PTPRB: variants seen among roughly 807,000 people sequenced by gnomAD.
PTPRB encodes the protein receptor-type tyrosine-protein phosphatase beta.
Under a neutral mutation model 238.1 loss-of-function variants are expected in PTPRB, and 97 were observed. That is an observed-to-expected ratio of 0.41 (90% CI 0.35 to 0.48). PTPRB has a LOEUF of 0.48. PTPRB is among the 20% of genes least tolerant of loss of function. The pLI is 0.30. For synonymous variants in PTPRB, 970 were observed against 995.4 expected (o/e 0.97, Z 0.48); for missense variants, 2,292 against 2,681.9 (o/e 0.85, Z 3.21).
chr12:70,606,431 C>G (rs974857231), intron 4 of PTPRB, among the ~76,000 whole-genome samples: 4 of 152,020 alleles, frequency 2.6e-5, no homozygotes, highest in African/African-American at 9.7e-5. Flanking sequence ...CTATTTTAGA[C>G]AGTTTATCAG....
intron 11 of PTPRB, among the ~76,000 whole-genome samples, chr12:70,573,799 A>T (rs1880391178): frequency 6.6e-6 from 1 of 152,102 alleles, no homozygotes; most frequent in Non-Finnish European, 1.5e-5. Flanking sequence ...TTGAACCAAG[A>T]ATTATGATTA....
At chr12:70,540,292 C>T in intron 23 of PTPRB, 1 of 334,454 alleles carries the variant, frequency 3.0e-6, no homozygotes, top group Non-Finnish European at 5.4e-6. Flanking sequence ...CTCAATAAAA[C>T]TTTGCTTTAA....
At chr12:70,607,423 T>C (rs1377612258) in intron 4 of PTPRB, among the ~76,000 whole-genome samples, 1 of 152,214 alleles carries the variant, frequency 6.6e-6, no homozygotes, top group Non-Finnish European at 1.5e-5. Context: ...TCCTGTAATA[T>C]TAAGAAACCA....
chr12:70,636,613 C>T (rs1885707535), intron 1 of PTPRB, among the ~76,000 whole-genome samples: 1 of 151,982 alleles, frequency 6.6e-6, no homozygotes, highest in South Asian at 2.1e-4. Flanking sequence ...ACAAATTTTC[C>T]CACTTCTCCA....
rs551259397 is a variant in PTPRB at position 70,518,446 on chromosome 12, A to G, written c.*3043T>C. The G allele has an allele frequency of 6.6e-6, 1 of 152,254 alleles. No homozygotes were observed. Among genetic ancestry groups the G allele is most frequent in the Admixed American group, 6.5e-5 (1 of 15,284 alleles). 9.4% of individuals were successfully genotyped at this position (152,254 alleles called of 1,614,324 possible). On this transcript the variant is annotated 3_prime_UTR_variant, in exon 34 of 34. Transcript: ENST00000334414. ...CTTCATTTCAAAAAAAAGTGAAATT[A>G]TGGTCATCTCTTTGATGATGTGGAA...
At position 70,552,840 on chromosome 12, in the gene PTPRB, C is replaced by T. The variant is rs758187856; in HGVS notation, c.5324G>A (p.Gly1775Glu). 4.3e-6 allele frequency: 7 copies of T among 1,613,952 alleles called. No homozygotes were observed. Among genetic ancestry groups the T allele is most frequent in the Non-Finnish European group, 5.1e-6 (6 of 1,179,866 alleles). ...TTTTTGCTGAGTGGGATCGCATTTT[C>T]CACCTAGGCTCTCCATCTCTGCTCC... ...KLGAEMESLGGKCDPTQQKFC... is the reference protein window; with the variant it reads ...KLGAEMESLGEKCDPTQQKFC... Residue 1775 changes from glycine (G) to glutamate (E), a missense_variant, in exon 21 of 34, where the codon GGA becomes GAA. Transcript: ENST00000334414.
At chr12:70,555,788 G>A in intron 19 of PTPRB, 82 bp downstream of exon 19, 1 of 1,498,026 alleles carries the variant, frequency 6.7e-7, no homozygotes, top group Non-Finnish European at 9.0e-7. Context: ...GTGAATAGCA[G>A]TGATGGATAT....
chr12:70,605,142 T>C (rs761582941), intron 4 of PTPRB, among the ~76,000 whole-genome samples: 7 of 152,218 alleles, frequency 4.6e-5, no homozygotes, highest in African/African-American at 1.7e-4. Context: ...GACTAATAAG[T>C]AGCTGAAACT....
At chr12:70,576,684 A>AGGGGGGGGGGGG (rs1313001377) in intron 10 of PTPRB, 39 bp from the exon 11 acceptor site, 4 of 29,870 alleles carry the variant, frequency 1.3e-4, no homozygotes, top group Non-Finnish European at 2.4e-4. Flanking sequence ...GGGGGGGGGA[A>AGGGGGGGGGGGG]GGGGGATTCA....
At chr12:70,615,809 A>G (rs1884654089) in intron 3 of PTPRB, among the ~76,000 whole-genome samples, 1 of 152,226 alleles carries the variant, frequency 6.6e-6, no homozygotes, top group Non-Finnish European at 1.5e-5. Flanking sequence ...GATAGCAGAC[A>G]AATAAAGCAT....
intron 6 of PTPRB, among the ~76,000 whole-genome samples, chr12:70,594,001 G>C (rs893976288): frequency 1.3e-5 from 2 of 152,176 alleles, no homozygotes; most frequent in Non-Finnish European, 2.9e-5. Context: ...TCATTTATTA[G>C]TCTAGGGTAG....
At chr12:70,548,253 AAAAAGT>A (rs1876325207) in intron 21 of PTPRB, among the ~76,000 whole-genome samples, 1 of 151,916 alleles carries the variant, frequency 6.6e-6, no homozygotes, top group African/African-American at 2.4e-5. Context: ...GCTTGAATCT[AAAAAGT>A]GGAGGTTGCA....
chr12:70,546,956 A>G (rs896466475), intron 21 of PTPRB, among the ~76,000 whole-genome samples: 1 of 152,182 alleles, frequency 6.6e-6, no homozygotes, highest in African/African-American at 2.4e-5. Context: ...TTTATGTGGG[A>G]AAACTTTTGC....
At chr12:70,593,992 C>T (rs1200366161) in intron 6 of PTPRB, among the ~76,000 whole-genome samples, 1 of 152,138 alleles carries the variant, frequency 6.6e-6, no homozygotes, top group East Asian at 1.9e-4. Flanking sequence ...AGCATAGATT[C>T]ATTTATTAGT....
At position 70,520,094 on chromosome 12, in the gene PTPRB, G is replaced by A. The variant is rs1417629980; in HGVS notation, c.*1395C>T. ...AACAAACTTGACCTCTAATTCCCAA[G>A]TTTATTACAGAAAAATTTGTAGTGT... On this transcript the variant is annotated 3_prime_UTR_variant, in exon 34 of 34. Coordinates refer to ENST00000334414, the MANE Select transcript of PTPRB (RefSeq NM_001109754.4). The A allele has an allele frequency of 2.1e-5, 8 of 389,958 alleles. No homozygotes were observed. The highest frequency in any genetic ancestry group is 4.1e-5 in the Non-Finnish European group (8 of 197,060). 24.2% of individuals were successfully genotyped at this position (389,958 alleles called of 1,614,324 possible).
At chr12:70,626,576 A>G (rs1488451210) in intron 2 of PTPRB, among the ~76,000 whole-genome samples, 1 of 152,082 alleles carries the variant, frequency 6.6e-6, no homozygotes, top group East Asian at 1.9e-4. Flanking sequence ...TAAGCAATAC[A>G]ACAACTATTT....
chr12:70,556,655 C>A (rs1215957827), intron 18 of PTPRB, among the ~76,000 whole-genome samples: 1 of 152,150 alleles, frequency 6.6e-6, no homozygotes, highest in Non-Finnish European at 1.5e-5. Flanking sequence ...ACCACAGATC[C>A]AGGAAGCTCA....
intron 22 of PTPRB, 80 bp downstream of exon 22, chr12:70,544,477 C>T: frequency 1.5e-5 from 14 of 949,154 alleles, no homozygotes; most frequent in Non-Finnish European, 2.3e-5. Context: ...TTCCCCCCAC[C>T]ATCAGCCAAT....
Position 70,576,570 on chromosome 12 carries a change from G to T in PTPRB, c.2654C>A (p.Ala885Glu). The T allele has an allele frequency of 1.3e-6, 2 of 1,550,020 alleles. No homozygotes were observed. Among genetic ancestry groups the T allele is most frequent in the Non-Finnish European group, 8.7e-7 (1 of 1,146,804 alleles). ...CTCATAGTTATCCACATCTCCGGGCGCCAGCAGCCAGGAAACGCTGAGGTA... is the reference window on the plus strand; with the variant it reads ...CTCATAGTTATCCACATCTCCGGGCTCCAGCAGCCAGGAAACGCTGAGGTA... ...NDYLSVSWLL[A>E]PGDVDNYEVT... The change falls in exon 11 of 34, where the codon GCG becomes GAG. Residue 885 changes from alanine to glutamate, a missense_variant. Around this residue, in one of 4 missense-constraint regions of PTPRB, gnomAD observed 1,205 missense variants for 1,287.8 expected, o/e 0.94. Coordinates refer to ENST00000334414, the MANE Select transcript of PTPRB (RefSeq NM_001109754.4).
Sources: allele counts gnomAD v4.1 joint callset (sites outside exome capture counted in the v4.1 genomes callset), GRCh38; gene constraint gnomAD v4.1.1; regional missense constraint gnomAD v4.1.1; transcripts MANE v1.5; gene names NCBI Gene and HGNC (gene_info 2026-07-23, HGNC 2026-07-21).